The following NEDD4L variants were observed in gnomAD, a reference collection of about 807,000 sequenced individuals.
NEDD4L encodes the protein E3 ubiquitin-protein ligase NEDD4-like.
A neutral mutation model predicts 148.9 loss-of-function variants in NEDD4L; 54 were observed. The ratio of observed to expected loss-of-function variants is 0.36; its 90% CI spans 0.29 to 0.45. NEDD4L has a LOEUF of 0.45. NEDD4L is among the 20% of genes least tolerant of loss of function. The pLI, the probability that NEDD4L is intolerant of heterozygous loss-of-function variation, is 1.00. For missense variants in NEDD4L, 856 were observed against 1,233.8 expected (o/e 0.69, Z 4.59); for synonymous variants, 433 against 440.7 (o/e 0.98, Z 0.22).
chr18:58,055,715 C>A (rs928658229), intron 1 of NEDD4L, among the ~76,000 whole-genome samples: 1 of 152,186 alleles, frequency 6.6e-6, no homozygotes, highest in Admixed American at 6.5e-5. Context: ...TCTTTTTCCC[C>A]ACTTGCAGTT....
intron 5 of NEDD4L, among the ~76,000 whole-genome samples, chr18:58,257,468 G>C (rs976184129): frequency 6.6e-6 from 1 of 152,124 alleles, no homozygotes; most frequent in Non-Finnish European, 1.5e-5. Flanking sequence ...TTGGGTTATG[G>C]CCCAAGGCTA....
At chr18:58,115,911 GA>G (rs1448769721) in intron 1 of NEDD4L, among the ~76,000 whole-genome samples, 1 of 152,236 alleles carries the variant, frequency 6.6e-6, no homozygotes, top group Non-Finnish European at 1.5e-5. Context: ...ACAGGCCCTA[GA>G]AAGCACTCTA....
intron 2 of NEDD4L, among the ~76,000 whole-genome samples, chr18:58,234,097 C>CTTTCTTTCTTTCTTTTCT (rs1483373337): frequency 2.8e-4 from 23 of 83,392 alleles, no homozygotes; most frequent in Middle Eastern, 5.2e-3. Flanking sequence ...TTCTTTCTTT[C>CTTTCTTTCTTTCTTTTCT]TTTCTTTTCT....
At chr18:58,250,031 A>G (rs1052526884) in intron 4 of NEDD4L, among the ~76,000 whole-genome samples, 2 of 152,280 alleles carry the variant, frequency 1.3e-5, no homozygotes, top group African/African-American at 4.8e-5. Context: ...TCAGTGGAAC[A>G]CTGGCACAGT....
chr18:58,339,449 G>A (rs190389272), intron 13 of NEDD4L, among the ~76,000 whole-genome samples: 80 of 152,208 alleles, frequency 5.3e-4, no homozygotes, highest in African/African-American at 1.9e-3. Context: ...CTAATTCATC[G>A]ATGTTTAATA....
chr18:58,224,775 T>C (rs2044168555), intron 2 of NEDD4L, among the ~76,000 whole-genome samples: 1 of 152,276 alleles, frequency 6.6e-6, no homozygotes, highest in African/African-American at 2.4e-5. Context: ...TGAGGGGCAC[T>C]CCTTCTCCCT....
At chr18:58,358,509 A>C (rs1202894505) in intron 19 of NEDD4L, among the ~76,000 whole-genome samples, 1 of 152,218 alleles carries the variant, frequency 6.6e-6, no homozygotes, top group Non-Finnish European at 1.5e-5. Flanking sequence ...AGCCTTTTCA[A>C]AATATTTTTA....
intron 1 of NEDD4L, among the ~76,000 whole-genome samples, chr18:58,055,799 G>A (rs1284563801): frequency 6.6e-6 from 1 of 152,224 alleles, no homozygotes; most frequent in African/African-American, 2.4e-5. Context: ...GTGCACTCCA[G>A]TTGCGTGAAA....
intron 2 of NEDD4L, among the ~76,000 whole-genome samples, chr18:58,176,127 A>G (rs1027372553): frequency 1.3e-5 from 2 of 152,156 alleles, no homozygotes; most frequent in Non-Finnish European, 2.9e-5. Context: ...ATTTCCACAT[A>G]AGCTTTTTTC....
intron 1 of NEDD4L, among the ~76,000 whole-genome samples, chr18:58,111,534 T>C (rs1379135429): frequency 1.3e-5 from 2 of 152,220 alleles, no homozygotes. Flanking sequence ...TCATGCCATG[T>C]ATGGTTGTTT....
At chr18:58,275,745 A>G (rs561934970) in intron 5 of NEDD4L, among the ~76,000 whole-genome samples, 15 of 151,996 alleles carry the variant, frequency 9.9e-5, no homozygotes, top group Admixed American at 7.9e-4. Context: ...TACCCAACGG[A>G]GATTTGTGGG....
At chr18:58,277,198 G>C (rs538973200) in intron 5 of NEDD4L, among the ~76,000 whole-genome samples, 22 of 151,976 alleles carry the variant, frequency 1.4e-4, no homozygotes, top group African/African-American at 5.3e-4. Context: ...ACTTTGATTT[G>C]ATCTTTGTAC....
intron 1 of NEDD4L, among the ~76,000 whole-genome samples, chr18:58,081,212 C>CCT (rs780724614): frequency 8.3e-6 from 1 of 120,864 alleles, no homozygotes; most frequent in African/African-American, 3.9e-5. Flanking sequence ...GAACACCACC[C>CCT]TTTTTTTTTT....
At chr18:58,196,268 G>A (rs1181720134) in intron 2 of NEDD4L, among the ~76,000 whole-genome samples, 1 of 152,188 alleles carries the variant, frequency 6.6e-6, no homozygotes, top group African/African-American at 2.4e-5. Context: ...CAGCCAGCTC[G>A]TGATGGGACA....
chr18:58,089,223 T>C (rs1325451660), intron 1 of NEDD4L, among the ~76,000 whole-genome samples: 1 of 146,296 alleles, frequency 6.8e-6, no homozygotes, highest in Non-Finnish European at 1.5e-5. Context: ...AACCTTTGCC[T>C]CCTGGGTTCA....
chr18:58,150,893 G>A (rs2034644586), intron 1 of NEDD4L, among the ~76,000 whole-genome samples: 1 of 152,122 alleles, frequency 6.6e-6, no homozygotes, highest in Non-Finnish European at 1.5e-5. Context: ...CTTCTCCTGT[G>A]ATCTTGCCTC....
intron 17 of NEDD4L, among the ~76,000 whole-genome samples, chr18:58,350,389 G>C (rs865861096): frequency 2.0e-5 from 3 of 152,324 alleles, no homozygotes; most frequent in African/African-American, 4.8e-5. Context: ...GAAAGAACCA[G>C]AGAGTTAGTT....
chr18:58,131,268 G>A (rs998150008), intron 1 of NEDD4L, among the ~76,000 whole-genome samples: 1 of 151,708 alleles, frequency 6.6e-6, no homozygotes, highest in Non-Finnish European at 1.5e-5. Context: ...AACTGTGGCG[G>A]TGTTGGGCTC....
Position 58,150,273 on chromosome 18 carries a change from T to C in NEDD4L, c.49-15515T>C, listed in dbSNP as rs545054163. ...TTTTGAGACGGAGTTTCACTCTTGTTGCCTAGGCTGGAGTGCAATGGCATA... is the reference window on the plus strand; with the variant it reads ...TTTTGAGACGGAGTTTCACTCTTGTCGCCTAGGCTGGAGTGCAATGGCATA... On this transcript the variant is annotated intron_variant, in intron 1 of 30. Transcript: ENST00000400345. Among the ~76,000 whole-genome samples the C allele has an allele frequency of 5.3e-5, 8 of 152,318 alleles. No individual in the cohort carries two copies. In the East Asian group the frequency reaches 1.5e-3, roughly 29 times the overall value.
Sources: allele counts gnomAD v4.1 joint callset (sites outside exome capture counted in the v4.1 genomes callset), GRCh38; gene constraint gnomAD v4.1.1; transcripts MANE v1.5; gene names NCBI Gene and HGNC (gene_info 2026-07-23, HGNC 2026-07-21).